The following CDKAL1 variants were observed in gnomAD, a reference collection of about 807,000 sequenced individuals.
CDKAL1 encodes the protein CDKAL1 threonylcarbamoyladenosine tRNA methylthiotransferase.
CDKAL1 carries 32 observed loss-of-function variants against 68.2 expected under a neutral mutation model. The observed-to-expected ratio is 0.47, with a 90% CI of 0.35 to 0.63. CDKAL1 has a LOEUF of 0.63. Ranked by LOEUF, CDKAL1 falls within the 30% of genes least tolerant of loss-of-function variation. The pLI is 0.00. For missense variants in CDKAL1, 606 were observed against 696.7 expected (o/e 0.87, Z 1.47); for synonymous variants, 234 against 244.3 (o/e 0.96, Z 0.39).
chr6:21,142,451 C>G, intron 13 of CDKAL1, among the ~76,000 whole-genome samples: 1 of 152,184 alleles, frequency 6.6e-6, no homozygotes, highest in Non-Finnish European at 1.5e-5. Flanking sequence ...GCACCTACCT[C>G]CTGGTGGACT....
Position 20,588,198 on chromosome 6 carries a change from A to C in CDKAL1, c.286+39493A>C, listed in dbSNP as rs137862644. 2.6e-5 allele frequency among the ~76,000 whole-genome samples: 4 copies of C among 152,366 alleles called. No individual in the cohort carries two copies. The East Asian group carries it at 7.7e-4, about 29-fold the overall frequency. On this transcript the variant is annotated intron_variant, in intron 4 of 15. Coordinates refer to ENST00000274695, the MANE Select transcript of CDKAL1 (RefSeq NM_017774.3). Reference sequence around the variant, plus strand: ...GGTTTAATACTTGTTAATATCCAGTAGAGATAATTAAGGCTGATCCTTGAT... The same window carrying C: ...GGTTTAATACTTGTTAATATCCAGTCGAGATAATTAAGGCTGATCCTTGAT...
At chr6:20,944,920 A>G (rs1466311014) in intron 9 of CDKAL1, among the ~76,000 whole-genome samples, 1 of 152,196 alleles carries the variant, frequency 6.6e-6, no homozygotes, top group Non-Finnish European at 1.5e-5. Flanking sequence ...TAACTGGTAT[A>G]TCTGTCAGAC....
intron 9 of CDKAL1, among the ~76,000 whole-genome samples, chr6:20,848,405 A>C (rs1024644474): frequency 2.6e-5 from 4 of 152,096 alleles, no homozygotes; most frequent in Admixed American, 2.0e-4. Flanking sequence ...ACTTTTTCTA[A>C]CAATATCCAC....
intron 5 of CDKAL1, among the ~76,000 whole-genome samples, chr6:20,699,435 T>G (rs1344632905): frequency 6.6e-6 from 1 of 151,190 alleles, no homozygotes. Context: ...CAGACAGGTT[T>G]CTAGGTTTGT....
intron 8 of CDKAL1, among the ~76,000 whole-genome samples, chr6:20,784,447 A>T (rs1449820044): frequency 1.4e-4 from 1 of 7,260 alleles, no homozygotes; most frequent in Non-Finnish European, 3.9e-4. Flanking sequence ...TTTTTGAGAC[A>T]GAGTCTCACT....
At chr6:21,217,573 C>T (rs1161432038) in intron 15 of CDKAL1, among the ~76,000 whole-genome samples, 3 of 152,112 alleles carry the variant, frequency 2.0e-5, no homozygotes, top group Non-Finnish European at 4.4e-5. Context: ...TCTCGGCTCA[C>T]TGCAACCTCT....
At chr6:20,649,230 C>T (rs1768630640) in intron 4 of CDKAL1, 63 bp from the exon 5 acceptor site, 3 of 1,121,754 alleles carry the variant, frequency 2.7e-6, no homozygotes, top group Non-Finnish European at 2.7e-6. Flanking sequence ...CCCAGTGCCA[C>T]TGGATATTTT....
chr6:21,104,993 C>A (rs1415584018), intron 12 of CDKAL1, among the ~76,000 whole-genome samples: 2 of 152,166 alleles, frequency 1.3e-5, no homozygotes, highest in African/African-American at 4.8e-5. Context: ...TACTGATATG[C>A]TACCTATTTT....
At chr6:20,790,977 A>C (rs1775875310) in intron 8 of CDKAL1, among the ~76,000 whole-genome samples, 1 of 152,162 alleles carries the variant, frequency 6.6e-6, no homozygotes, top group Non-Finnish European at 1.5e-5. Context: ...AAATTGGTGG[A>C]GGAGGGGGGA....
chr6:20,719,330 G>A (rs9460550), intron 5 of CDKAL1, among the ~76,000 whole-genome samples: 45,384 of 152,014 alleles, frequency 0.3, 8,567 homozygotes, highest in African/African-American at 0.52. Flanking sequence ...CTCTTTAATA[G>A]TAATTCTGAA....
rs533074375 is a variant in CDKAL1 at position 20,796,146 on chromosome 6, A to G, written c.638+14881A>G. ...GTCCATAATAAAACTTCTGGAACTC[A>G]TAAGTGAATATAGCAAGGATACAAC... On this transcript the variant is annotated intron_variant, in intron 8 of 15. Coordinates refer to ENST00000274695, the MANE Select transcript of CDKAL1 (RefSeq NM_017774.3). Among the ~76,000 whole-genome samples, 7 of 152,348 alleles carry G rather than the reference A, an allele frequency of 4.6e-5. No homozygotes were observed. The East Asian group carries it at 1.3e-3, about 29-fold the overall frequency.
rs1323685576 is a variant in CDKAL1 at position 20,957,519 on chromosome 6, A to G, written c.909+1934A>G. Among the ~76,000 whole-genome samples, 7 of 152,332 alleles carry G rather than the reference A, an allele frequency of 4.6e-5. No homozygotes were observed. The South Asian group carries it at 1.5e-3, about 32-fold the overall frequency. On this transcript the variant is annotated intron_variant, in intron 10 of 15. Coordinates refer to ENST00000274695, the MANE Select transcript of CDKAL1 (RefSeq NM_017774.3). ...GTAGTTGGAGTGATAACAAGTTTTG[A>G]TGGTCATGACATTATATTTTTTAAA...
intron 13 of CDKAL1, among the ~76,000 whole-genome samples, chr6:21,113,632 T>C (rs1301007465): frequency 1.3e-5 from 2 of 151,870 alleles, no homozygotes; most frequent in Non-Finnish European, 2.9e-5. Context: ...CCTACCCGGC[T>C]AACTTTTTGT....
chr6:21,035,297 A>G (rs1011853208), intron 11 of CDKAL1, among the ~76,000 whole-genome samples: 5 of 152,142 alleles, frequency 3.3e-5, no homozygotes, highest in East Asian at 1.9e-4. Flanking sequence ...AATTCTCTTT[A>G]TAGGATTATT....
intron 13 of CDKAL1, among the ~76,000 whole-genome samples, chr6:21,179,210 A>T (rs1420327290): frequency 2.6e-5 from 4 of 152,164 alleles, no homozygotes; most frequent in Admixed American, 2.0e-4. Context: ...GAGAGCAGAG[A>T]GTGTGGGGTG....
At chr6:21,079,605 T>C (rs1437766343) in intron 12 of CDKAL1, among the ~76,000 whole-genome samples, 1 of 152,246 alleles carries the variant, frequency 6.6e-6, no homozygotes, top group Non-Finnish European at 1.5e-5. Context: ...TCCTTGACTG[T>C]AGACTTAACA....
At chr6:21,222,175 A>G (rs1389057599) in intron 15 of CDKAL1, among the ~76,000 whole-genome samples, 2 of 152,218 alleles carry the variant, frequency 1.3e-5, no homozygotes, top group African/African-American at 4.8e-5. Flanking sequence ...CCCACCCGTG[A>G]TATTAAGATT....
intron 8 of CDKAL1, among the ~76,000 whole-genome samples, chr6:20,823,611 T>TA (rs1777379161): frequency 6.6e-6 from 1 of 152,086 alleles, no homozygotes. Flanking sequence ...AAATAAAACA[T>TA]AAAAAATGTT....
At chr6:20,681,292 A>G (rs60030448) in intron 5 of CDKAL1, among the ~76,000 whole-genome samples, 7,132 of 152,260 alleles carry the variant, frequency 0.047, 549 homozygotes, top group African/African-American at 0.16. Context: ...AGTCATATGT[A>G]TGCTTGACCT....
Sources: gnomAD v4.1 joint callset for allele counts (sites outside exome capture counted in the v4.1 genomes callset) on GRCh38, gnomAD v4.1.1 for gene constraint, MANE v1.5 for transcripts, NCBI Gene and HGNC (gene_info 2026-07-23, HGNC 2026-07-21) for gene names.